The following SRGAP1 variants were observed in gnomAD, a reference collection of about 807,000 sequenced individuals.
SRGAP1 encodes SLIT-ROBO Rho GTPase activating protein 1.
SRGAP1 carries 43 observed loss-of-function variants against 121.9 expected under a neutral mutation model. The ratio of observed to expected loss-of-function variants is 0.35; its 90% confidence interval spans 0.28 to 0.46. The LOEUF is 0.46. Ranked by LOEUF, SRGAP1 falls within the 20% of genes least tolerant of loss-of-function variation. The pLI is 1.00. For missense variants in SRGAP1, 1,102 were observed against 1,350.9 expected (o/e 0.82, Z 2.89); for synonymous variants, 447 against 485.4 (o/e 0.92, Z 1.04).
intron 3 of SRGAP1, among the ~76,000 whole-genome samples, chr12:63,990,975 C>T (rs570444743): frequency 4.4e-4 from 67 of 152,316 alleles, no homozygotes; most frequent in African/African-American, 1.6e-3. Context: ...CATTAAAAAA[C>T]AATAACTGGG....
At chr12:63,907,218 A>T (rs2030256658) in intron 1 of SRGAP1, among the ~76,000 whole-genome samples, 1 of 152,156 alleles carries the variant, frequency 6.6e-6, no homozygotes, top group African/African-American at 2.4e-5. Flanking sequence ...CCTTGAAGAA[A>T]CATATTCAAA....
intron 1 of SRGAP1, among the ~76,000 whole-genome samples, chr12:63,974,722 A>T (rs2033047992): frequency 6.6e-6 from 1 of 152,206 alleles, no homozygotes; most frequent in Admixed American, 6.5e-5. Context: ...GTGATACCAT[A>T]ATTCTAAAGT....
rs1565981658 is a variant in SRGAP1, at chr12:63,983,825, TATATATATATATATATATATATATATATA to T, written c.68-121_68-93del. ...ATATATATATATATATATATATATA[TATATATATATATATATATATATATATATA>T]TTTATATATATTTCGTGACTTATAT... On this transcript the variant is annotated intron_variant, in intron 1 of 21. Coordinates refer to ENST00000355086, the MANE Select transcript of SRGAP1 (RefSeq NM_020762.4). 27 of 90,766 alleles carry T rather than the reference TATATATATATATATATATATATATATATA, an allele frequency of 3.0e-4. 1 individual carries two copies. Among genetic ancestry groups the T allele is most frequent in the African/African-American group, 1.3e-3 (25 of 19,572 alleles). 5.6% of individuals were successfully genotyped at this position (90,766 alleles called of 1,614,324 possible). A position where few individuals can be genotyped will look rare whatever the true frequency, so the allele number is the denominator to read the frequency against.
At chr12:63,939,633 A>G (rs2031793053) in intron 1 of SRGAP1, among the ~76,000 whole-genome samples, 1 of 152,164 alleles carries the variant, frequency 6.6e-6, no homozygotes, top group Non-Finnish European at 1.5e-5. Flanking sequence ...GAAAAGGGAA[A>G]CCTGGTCTGT....
At chr12:63,879,347 C>T (rs1051702225) in intron 1 of SRGAP1, 2 of 152,162 alleles carry the variant, frequency 1.3e-5, no homozygotes, top group Admixed American at 6.5e-5. Flanking sequence ...AAATGCACCT[C>T]TGCATACTTA....
At chr12:63,953,910 T>G (rs2032375694) in intron 1 of SRGAP1, among the ~76,000 whole-genome samples, 1 of 152,222 alleles carries the variant, frequency 6.6e-6, no homozygotes, top group African/African-American at 2.4e-5. Flanking sequence ...AGCCCTAAAC[T>G]TTCACTGACA....
intron 8 of SRGAP1, among the ~76,000 whole-genome samples, chr12:64,070,107 T>G (rs1264243231): frequency 6.6e-6 from 1 of 152,220 alleles, no homozygotes; most frequent in Non-Finnish European, 1.5e-5. Context: ...TAAATGATCA[T>G]TTATACCTTT....
intron 1 of SRGAP1, among the ~76,000 whole-genome samples, chr12:63,978,901 G>A (rs944244789): frequency 6.6e-6 from 1 of 152,166 alleles, no homozygotes; most frequent in Non-Finnish European, 1.5e-5. Flanking sequence ...ATTCTAGTGA[G>A]TGTGAAGTGG....
intron 10 of SRGAP1, among the ~76,000 whole-genome samples, chr12:64,082,907 C>G (rs2035873627): frequency 6.6e-6 from 1 of 152,248 alleles, no homozygotes; most frequent in Non-Finnish European, 1.5e-5. Flanking sequence ...CCTCTGCCCA[C>G]TGGTTGCAGA....
At chr12:63,978,849 A>G (rs921566015) in intron 1 of SRGAP1, among the ~76,000 whole-genome samples, 3 of 152,116 alleles carry the variant, frequency 2.0e-5, no homozygotes, top group African/African-American at 7.2e-5. Flanking sequence ...GTTTCTCCAC[A>G]TTGTCTTCCA....
At chr12:64,037,210 G>A (rs182158648) in intron 4 of SRGAP1, among the ~76,000 whole-genome samples, 6 of 152,272 alleles carry the variant, frequency 3.9e-5, no homozygotes, top group Admixed American at 2.0e-4. Flanking sequence ...TATAAATTCT[G>A]GGGAGGGAGC....
chr12:64,139,336 G>A (rs1410723240), intron 21 of SRGAP1, among the ~76,000 whole-genome samples: 1 of 152,208 alleles, frequency 6.6e-6, no homozygotes, highest in Non-Finnish European at 1.5e-5. Flanking sequence ...AATTAGTCAA[G>A]TGTGTAGTAA....
chr12:64,075,686 T>A (rs1193990893), intron 8 of SRGAP1, among the ~76,000 whole-genome samples: 1 of 152,212 alleles, frequency 6.6e-6, no homozygotes, highest in Non-Finnish European at 1.5e-5. Flanking sequence ...ATTCAGTCTA[T>A]AGATATTTGA....
intron 4 of SRGAP1, among the ~76,000 whole-genome samples, chr12:64,029,614 G>A (rs771286588): frequency 1.1e-4 from 16 of 152,146 alleles, no homozygotes; most frequent in African/African-American, 3.4e-4. Context: ...AGTGTGTGAC[G>A]GAAAGCACAG....
intron 1 of SRGAP1, among the ~76,000 whole-genome samples, chr12:63,854,371 A>T (rs58282814): frequency 0.069 from 10,470 of 152,238 alleles, 534 homozygotes; most frequent in East Asian, 0.24. Flanking sequence ...AAATTGGAAT[A>T]GTAGTGTTTT....
At chr12:63,895,490 A>C (rs1193793943) in intron 1 of SRGAP1, among the ~76,000 whole-genome samples, 1 of 152,218 alleles carries the variant, frequency 6.6e-6, no homozygotes, top group Non-Finnish European at 1.5e-5. Context: ...GATATATAAC[A>C]TTGCCATCAT....
At position 64,078,964 on chromosome 12, in the gene SRGAP1, G is replaced by A. The variant is rs1162879516; in HGVS notation, c.1171G>A (p.Val391Ile). The A allele has an allele frequency of 6.2e-7, 1 of 1,614,030 alleles. No homozygotes were observed. The highest frequency in any genetic ancestry group is 1.7e-5 in the Admixed American group (1 of 60,016). ...CACCTTGCAGACGATACAAGATATG[G>A]TCACCATCGAGGACTATGATGTTTC... ...EATLQTIQDM[V>I]TIEDYDVSEC... is the part of the protein sequence containing the mutation. Residue 391 changes from valine to isoleucine, a missense_variant, in exon 9 of 22, where the codon GTC becomes ATC. Physicochemically the swap from Val to Ile is conservative, Grantham distance 29. Around this residue, in one of 3 missense-constraint regions of SRGAP1, gnomAD observed 747 missense variants for 929.4 expected, o/e 0.80. Coordinates refer to ENST00000355086, the MANE Select transcript of SRGAP1 (RefSeq NM_020762.4).
chr12:63,886,934 C>T (rs1177703599), intron 1 of SRGAP1, among the ~76,000 whole-genome samples: 5 of 152,092 alleles, frequency 3.3e-5, no homozygotes, highest in Non-Finnish European at 7.4e-5. Flanking sequence ...AGTGCAATGG[C>T]GTGATCTTGG....
At chr12:63,993,803 T>C (rs1055753598) in intron 3 of SRGAP1, among the ~76,000 whole-genome samples, 1 of 151,822 alleles carries the variant, frequency 6.6e-6, no homozygotes, top group African/African-American at 2.4e-5. Context: ...AAATCTTAAT[T>C]ACATCAGAAC....
Sources: gnomAD v4.1 joint callset for allele counts (sites outside exome capture counted in the v4.1 genomes callset) on GRCh38, gnomAD v4.1.1 for gene constraint, gnomAD v4.1.1 regional missense constraint, MANE v1.5 for transcripts, NCBI Gene and HGNC (gene_info 2026-07-23, HGNC 2026-07-21) for gene names.